Variants in PHLDB2 observed in about 807,000 individuals in gnomAD.
PHLDB2 encodes the protein pleckstrin homology-like domain family B member 2.
Under a neutral mutation model 123.6 loss-of-function variants are expected in PHLDB2, and 71 were observed. The observed-to-expected ratio is 0.57, with a 90% confidence interval of 0.47 to 0.70. PHLDB2 has a LOEUF of 0.70. PHLDB2 is among the 30% of genes least tolerant of loss of function. The pLI is 0.00. For synonymous variants in PHLDB2, 547 were observed against 541.6 expected, an observed-to-expected ratio of 1.01 and a Z score of -0.14; for missense variants, 1,446 against 1,519.5, an observed-to-expected ratio of 0.95 and a Z score of 0.80.
chr3:111,812,173 C>G (rs1026748174), intron 1 of PHLDB2, among the ~76,000 whole-genome samples: 1 of 152,156 alleles, frequency 6.6e-6, no homozygotes, highest in African/African-American at 2.4e-5. Flanking sequence ...GTTTTACAGA[C>G]TATTTCTTTT....
chr3:111,808,409 G>T (rs564901737), intron 1 of PHLDB2, among the ~76,000 whole-genome samples: 1 of 152,030 alleles, frequency 6.6e-6, no homozygotes, highest in South Asian at 2.1e-4. Context: ...GAAAAAGGAG[G>T]TTGCCCTTCA....
chr3:111,741,035 C>T (rs141749475), intron 1 of PHLDB2, among the ~76,000 whole-genome samples: 1 of 152,138 alleles, frequency 6.6e-6, no homozygotes, highest in African/African-American at 2.4e-5. Flanking sequence ...CACCAAGTAC[C>T]AGCTGGCACC....
intron 1 of PHLDB2, among the ~76,000 whole-genome samples, chr3:111,820,486 GTCCTCTCT>G (rs2062319066): frequency 6.6e-6 from 1 of 152,148 alleles, no homozygotes; most frequent in African/African-American, 2.4e-5. Flanking sequence ...CAGACTGAAA[GTCCTCTCT>G]TTTCAATCTC....
chr3:111,851,236 T>C (rs894963247), intron 2 of PHLDB2, among the ~76,000 whole-genome samples: 6 of 151,086 alleles, frequency 4.0e-5, no homozygotes, highest in African/African-American at 1.5e-4. Context: ...TAGTGTTCTT[T>C]GCGATTCTCC....
At chr3:111,857,449 TC>T (rs2064563851), upstream of PHLDB2, among the ~76,000 whole-genome samples, 1 of 19,850 alleles carries the variant, frequency 5.0e-5, no homozygotes. Flanking sequence ...AGGCCCTGTC[TC>T]AAAAAAAAAA....
chr3:111,876,574 T>C (rs1345161406), intron 1 of PHLDB2, among the ~76,000 whole-genome samples: 1 of 152,066 alleles, frequency 6.6e-6, no homozygotes, highest in Non-Finnish European at 1.5e-5. Context: ...ATGTATTTAC[T>C]TTTTTTTAAG....
Position 111,847,059 on chromosome 3 carries a change from G to A in PHLDB2, c.67+1124G>A, listed in dbSNP as rs190829867. ...ACTGTGACTGGAATGCTCCCTCCTT[G>A]CAGGAAGAGGAGGAAGGAAATGACA... On this transcript the variant is annotated intron_variant, in intron 2 of 17. Coordinates refer to the PHLDB2 transcript ENST00000393923. 3.4e-3 allele frequency among the ~76,000 whole-genome samples: 521 copies of A among 152,234 alleles called. 11 individuals are homozygous for A. The highest frequency in any genetic ancestry group is 9.1e-4 in the Non-Finnish European group (62 of 68,012).
chr3:111,783,684 A>C (rs1340030229), intron 1 of PHLDB2, among the ~76,000 whole-genome samples: 2 of 152,148 alleles, frequency 1.3e-5, no homozygotes, highest in Non-Finnish European at 1.5e-5. Context: ...TGACCTTCTA[A>C]TTTAGAGATT....
chr3:111,793,573 G>T (rs538312837), intron 1 of PHLDB2, among the ~76,000 whole-genome samples: 1 of 151,904 alleles, frequency 6.6e-6, no homozygotes, highest in Non-Finnish European at 1.5e-5. Flanking sequence ...CTTTTTCCAA[G>T]CAGAAAGAGT....
At chr3:111,859,796 G>T in intron 1 of PHLDB2, 1 of 985,572 alleles carries the variant, frequency 1.0e-6, no homozygotes, top group Non-Finnish European at 1.2e-6. Context: ...CTCACGGAGG[G>T]AGACAGGGTG....
At position 111,884,882 on chromosome 3, in the gene PHLDB2, C is replaced by T; in HGVS notation, c.805C>T (p.Pro269Ser). 6.2e-7 allele frequency: 1 copy of T among 1,614,142 alleles called. No homozygotes were observed. The highest frequency in any genetic ancestry group is 8.5e-7 in the Non-Finnish European group (1 of 1,180,020). Reference protein sequence around the residue: ...LYRATENQLTPLSLPPRNSLG... With the variant: ...LYRATENQLTSLSLPPRNSLG... ...CAGAGCCACAGAGAACCAGCTGACA[C>T]CTCTCAGCTTGCCTCCAAGAAACTC... is the stretch of plus-strand genomic sequence containing the variant. The change falls in exon 2 of 18, where the codon CCT (proline) becomes TCT (serine). Residue 269 changes from proline (P) to serine (S), a missense_variant. Transcript: ENST00000431670.
intron 8 of PHLDB2, among the ~76,000 whole-genome samples, chr3:111,943,789 G>A (rs969652749): frequency 5.9e-5 from 9 of 152,116 alleles, no homozygotes; most frequent in African/African-American, 2.2e-4. Flanking sequence ...GCTGACTTGA[G>A]TGTAAAATAT....
At chr3:111,918,648 A>G (rs931580041) in intron 3 of PHLDB2, among the ~76,000 whole-genome samples, 5 of 152,214 alleles carry the variant, frequency 3.3e-5, no homozygotes, top group African/African-American at 4.8e-5. Context: ...GGGAGAGAAT[A>G]TTGTGCTTGT....
chr3:111,824,243 A>T (rs944780721), intron 1 of PHLDB2, among the ~76,000 whole-genome samples: 3 of 152,170 alleles, frequency 2.0e-5, no homozygotes, highest in African/African-American at 4.8e-5. Context: ...TTCGACTGCC[A>T]AATCTTACTC....
At chr3:111,930,642 A>G (rs2069088514) in intron 5 of PHLDB2, among the ~76,000 whole-genome samples, 1 of 152,172 alleles carries the variant, frequency 6.6e-6, no homozygotes, top group Admixed American at 6.5e-5. Context: ...CTAAAGACTA[A>G]ATCTAACGGT....
At chr3:111,964,491 C>CACT (rs1559925951) in intron 13 of PHLDB2, among the ~76,000 whole-genome samples, 1 of 151,146 alleles carries the variant, frequency 6.6e-6, no homozygotes, top group African/African-American at 2.4e-5. Context: ...AGGTACCCAC[C>CACT]ACTACACCTG....
chr3:111,932,064 T>C (rs1463036782), intron 5 of PHLDB2, among the ~76,000 whole-genome samples: 1 of 152,204 alleles, frequency 6.6e-6, no homozygotes, highest in Non-Finnish European at 1.5e-5. Flanking sequence ...TGGACTGTGC[T>C]TTGAGAATGC....
chr3:111,916,893 G>A (rs138956332), intron 3 of PHLDB2: 2 of 152,170 alleles, frequency 1.3e-5, no homozygotes, highest in African/African-American at 4.8e-5. Context: ...CACACGTAAT[G>A]TGCTTATTAA....
exon 1 of PHLDB2, chr3:111,732,565 G>A: frequency 6.9e-7 from 1 of 1,448,620 alleles, no homozygotes; most frequent in Non-Finnish European, 9.4e-7. Context: ...TTCATGCTTG[G>A]GGAAAAGGAG....
Sources: gnomAD v4.1 joint callset for allele counts (sites outside exome capture counted in the v4.1 genomes callset) on GRCh38, gnomAD v4.1.1 for gene constraint, MANE v1.5 for transcripts, NCBI Gene and HGNC (gene_info 2026-07-23, HGNC 2026-07-21) for gene names.